The following ERCC1 variants were observed in gnomAD, a reference collection of about 807,000 sequenced individuals.
The protein encoded by ERCC1 is DNA excision repair protein ERCC-1.
In ERCC1, 36 loss-of-function variants were observed where a neutral mutation model predicts 37.6. The ratio of observed to expected loss-of-function variants is 0.96; its 90% CI spans 0.73 to 1.26. ERCC1 has a LOEUF of 1.26. Ranked by LOEUF, ERCC1 falls within the 50% of genes most tolerant of loss-of-function variation. The probability of loss-of-function intolerance (pLI) is 0.00; values close to 1 mark genes in which losing one functional copy is unlikely to be tolerated. For missense variants in ERCC1, 349 were observed against 376.5 expected (o/e 0.93, Z 0.60); for synonymous variants, 156 against 162.1 (o/e 0.96, Z 0.28).
At chr19:45,416,760 T>C (rs1974093439) in intron 6 of ERCC1, 61 bp downstream of exon 6, 4 of 1,290,698 alleles carry the variant, frequency 3.1e-6, no homozygotes, top group Non-Finnish European at 4.5e-6. Flanking sequence ...CAGGGTGGGA[T>C]GGGGGAGCAG....
chr19:45,421,051 A>C, intron 3 of ERCC1, 127 bp downstream of exon 3: 1 of 797,318 alleles, frequency 1.3e-6, no homozygotes. Flanking sequence ...GAATGAATGA[A>C]TGAATGAATG....
chr19:45,432,969 A>G (rs773750221), intron 1 of ERCC1, among the ~76,000 whole-genome samples: 19 of 152,198 alleles, frequency 1.2e-4, no homozygotes, highest in Non-Finnish European at 2.4e-4. Context: ...AATCCCACCT[A>G]CTCGGGAGGC....
rs148513507 is a variant in ERCC1, at chr19:45,412,113, C to G, written c.843+1564G>C. ...TGACCTCACGATCCACCCGCCTCGG[C>G]CTCCCAAAGTGTTGGGATTACAGGC... On this transcript the variant is annotated intron_variant, in intron 9 of 9. Coordinates refer to ENST00000300853, the MANE Select transcript of ERCC1 (RefSeq NM_001983.4). Among the ~76,000 whole-genome samples the G allele has an allele frequency of 7.4e-3, 1,130 of 152,100 alleles. 9 individuals are homozygous for G. Among genetic ancestry groups the G allele is most frequent in the African/African-American group, 0.026 (1,068 of 41,484 alleles).
rs770987363 is a variant in ERCC1 at position 45,409,084 on chromosome 19, G to A, written c.*591C>T. 1.6e-5 allele frequency: 26 copies of A among 1,613,612 alleles called. No homozygotes were observed. Among genetic ancestry groups the A allele is most frequent in the Admixed American group, 1.3e-4 (8 of 59,964 alleles). Reference sequence around the variant, plus strand: ...TGGCGCCTCAACAGCCAGAAGGAGCGAAGCCTCAGGCCCAGGCAGCTCTGG... The same window carrying A: ...TGGCGCCTCAACAGCCAGAAGGAGCAAAGCCTCAGGCCCAGGCAGCTCTGG... On this transcript the variant is annotated 3_prime_UTR_variant, in exon 10 of 10. Transcript: ENST00000300853.
At chr19:45,446,033 C>A (rs1966930646) in intron 1 of ERCC1, among the ~76,000 whole-genome samples, 1 of 152,024 alleles carries the variant, frequency 6.6e-6, no homozygotes, top group South Asian at 2.1e-4. Flanking sequence ...GGATTACAGG[C>A]TCGTGCCACC....
Position 45,409,340 on chromosome 19 carries a change from G to A in ERCC1, c.*335C>T. ...ACAGCCTGAAGCCAGGGCAACTCCG[G>A]GATCCACCAAGAAGAGGAAGAAGCA... On this transcript the variant is annotated 3_prime_UTR_variant, in exon 10 of 10. Coordinates refer to ENST00000300853, the MANE Select transcript of ERCC1 (RefSeq NM_001983.4). 1 of 1,614,036 alleles carries A rather than the reference G, an allele frequency of 6.2e-7. No individual in the cohort carries two copies. The highest frequency in any genetic ancestry group is 8.5e-7 in the Non-Finnish European group (1 of 1,179,994).
intron 1 of ERCC1, 45 bp downstream of exon 1, chr19:45,423,736 G>T: frequency 8.6e-7 from 1 of 1,156,634 alleles, no homozygotes; most frequent in Non-Finnish European, 1.1e-6. Context: ...GCAATGATTG[G>T]CTTCCGCGGC....
rs138827297 is a variant in ERCC1, at chr19:45,445,112, G to C, written c.-7-21731C>G. Among the ~76,000 whole-genome samples the C allele has an allele frequency of 1.6e-3, 240 of 152,276 alleles. 4 individuals carry two copies. Among genetic ancestry groups the C allele is most frequent in the East Asian group, 0.012 (60 of 5,186 alleles). ...GCTCACTGCAACCTCCGCCTCCTGA[G>C]TTCAAGCAATTCTCCTGCCTCAGCC... On this transcript the variant is annotated intron_variant, in intron 1 of 8. Coordinates refer to the ERCC1 transcript ENST00000423698.
Position 45,408,353 on chromosome 19 carries a change from C to T in ERCC1, c.*1322G>A. 2.5e-6 allele frequency: 4 copies of T among 1,607,340 alleles called. No homozygotes were observed. Among genetic ancestry groups the T allele is most frequent in the Non-Finnish European group, 3.4e-6 (4 of 1,175,210 alleles). ...TCCCCAGCAATCCCTGTCAGGGAGC[C>T]CTCTGCAGCCCATCCCAGCAAGTCC... is the stretch of plus-strand genomic sequence containing the variant. On this transcript the variant is annotated 3_prime_UTR_variant, in exon 10 of 10. Transcript: ENST00000300853.
intron 1 of ERCC1, among the ~76,000 whole-genome samples, chr19:45,447,273 T>C (rs946371413): frequency 6.3e-5 from 9 of 141,994 alleles, no homozygotes; most frequent in Admixed American, 1.4e-4. Context: ...TTTGCTTCTT[T>C]TTTTTTTTTT....
At chr19:45,438,334 C>A (rs186015752) in intron 1 of ERCC1, among the ~76,000 whole-genome samples, 2 of 152,304 alleles carry the variant, frequency 1.3e-5, no homozygotes, top group Non-Finnish European at 2.9e-5. Flanking sequence ...TCCCAAACTG[C>A]TGGATTTATA....
chr19:45,414,086 T>G (rs753011909), intron 7 of ERCC1, 52 bp from the exon 8 acceptor site: 2 of 1,485,408 alleles, frequency 1.3e-6, no homozygotes, highest in East Asian at 4.5e-5. Context: ...CCAGCAAGAC[T>G]GAGCCTAGGA....
At position 45,413,722 on chromosome 19, in the gene ERCC1, T is replaced by C. The variant is rs772546871; in HGVS notation, c.798A>G (p.Ala266=). The change falls in exon 9 of 10, where the codon GCA becomes GCG. Residue 266 remains alanine (A), a synonymous_variant. Transcript: ENST00000300853. ...TFGSLEQLIA[A]SREDLALCPG... is the part of the protein sequence containing the mutation. ...GGCATAAGGCCAGATCTTCTCTTGATGCGGCGATGAGCTGTTCCAGAGACT... is the reference window on the plus strand; with the variant it reads ...GGCATAAGGCCAGATCTTCTCTTGACGCGGCGATGAGCTGTTCCAGAGACT... 16 of 1,613,708 alleles carry C rather than the reference T, an allele frequency of 9.9e-6. No individual in the cohort carries two copies. The highest frequency in any genetic ancestry group is 1.4e-5 in the Non-Finnish European group (16 of 1,180,030).
chr19:45,413,474 T>G (rs1973860282), intron 9 of ERCC1: 1 of 1,041,596 alleles, frequency 9.6e-7, no homozygotes, highest in African/African-American at 1.6e-5. Flanking sequence ...AAATGAGGTG[T>G]CCACTTGCCC....
intron 1 of ERCC1, among the ~76,000 whole-genome samples, chr19:45,437,632 T>C (rs2123593213): frequency 6.6e-6 from 1 of 152,270 alleles, no homozygotes; most frequent in African/African-American, 2.4e-5. Flanking sequence ...GATCCCACTT[T>C]TATATGGAAT....
chr19:45,445,359 T>G (rs765235704), intron 1 of ERCC1, among the ~76,000 whole-genome samples: 36 of 152,174 alleles, frequency 2.4e-4, no homozygotes, highest in Non-Finnish European at 4.9e-4. Context: ...CGCCAGGCAC[T>G]GGTAAAGACT....
At chr19:45,441,576 T>C (rs1975119754) in intron 1 of ERCC1, among the ~76,000 whole-genome samples, 1 of 152,130 alleles carries the variant, frequency 6.6e-6, no homozygotes, top group African/African-American at 2.4e-5. Flanking sequence ...GGTTTTACTA[T>C]GTTGTCCAGG....
At chr19:45,446,651 G>GGGCCCCAGGACTCCCGGAGCCATGTC (rs1966951345) in intron 1 of ERCC1, among the ~76,000 whole-genome samples, 1 of 152,054 alleles carries the variant, frequency 6.6e-6, no homozygotes, top group African/African-American at 2.4e-5. Context: ...TCATCCATGT[G>GGGCCCCAGGACTCCCGGAGCCATGTC]GGCCCCAGGA....
At position 45,413,662 on chromosome 19, in the gene ERCC1, T is replaced by C. The variant is rs751528675; in HGVS notation, c.843+15A>G. On this transcript the variant is annotated intron_variant, in intron 9 of 9. Coordinates refer to ENST00000300853, the MANE Select transcript of ERCC1 (RefSeq NM_001983.4). ...CCTTCCCCCAACTCCTTGGGTTCTT[T>C]CCCAGAGCTCTTACTTTCTGAGGGC... 1.2e-6 allele frequency: 2 copies of C among 1,614,198 alleles called. No homozygotes were observed. The highest frequency in any genetic ancestry group is 2.2e-5 in the South Asian group (2 of 91,088).
Sources: gnomAD v4.1 joint callset for allele counts (sites outside exome capture counted in the v4.1 genomes callset) on GRCh38, gnomAD v4.1.1 for gene constraint, MANE v1.5 for transcripts, NCBI Gene and HGNC (gene_info 2026-07-23, HGNC 2026-07-21) for gene names.